Variants in ENTREP2 observed in about 807,000 individuals in gnomAD.
ENTREP2 encodes endosomal transmembrane epsin interactor 2.
chr15:29,300,001 ATGG>A, the ENTREP2 span, among the ~76,000 whole-genome samples: 1 of 107,568 alleles, frequency 9.3e-6, no homozygotes, highest in African/African-American at 6.4e-5. Flanking sequence ...GGGTGGGTGG[ATGG>A]ATGGATGTGT....
At chr15:29,636,031 T>C in the ENTREP2 span, among the ~76,000 whole-genome samples, 1 of 152,048 alleles carries the variant, frequency 6.6e-6, no homozygotes, top group Non-Finnish European at 1.5e-5. Context: ...GAGCCAGAGA[T>C]ACAGACACAG....
At chr15:29,273,398 A>G in the ENTREP2 span, among the ~76,000 whole-genome samples, 1 of 151,882 alleles carries the variant, frequency 6.6e-6, no homozygotes. Context: ...GGGTTTCACC[A>G]TGTTAGCCAG....
chr15:29,490,292 C>T, the ENTREP2 span, among the ~76,000 whole-genome samples: 1 of 152,028 alleles, frequency 6.6e-6, no homozygotes, highest in Admixed American at 6.6e-5. Context: ...TGCAGAACTT[C>T]GCTGTGAGTA....
the ENTREP2 span, among the ~76,000 whole-genome samples, chr15:29,213,667 T>A: frequency 4.8e-4 from 73 of 152,300 alleles, no homozygotes; most frequent in African/African-American, 1.4e-3. Flanking sequence ...TGAATTTGCT[T>A]ATCAGCTTAA....
the ENTREP2 span, among the ~76,000 whole-genome samples, chr15:29,547,339 CAG>C: frequency 1.3e-5 from 2 of 152,066 alleles, no homozygotes; most frequent in African/African-American, 4.8e-5. Flanking sequence ...CCACCCGCCT[CAG>C]CCTCTAAAAG....
chr15:29,401,252 T>C, the ENTREP2 span, among the ~76,000 whole-genome samples: 17 of 152,202 alleles, frequency 1.1e-4, no homozygotes, highest in East Asian at 9.6e-4. Flanking sequence ...TGGTTTCAAA[T>C]AGGAAAAATA....
chr15:29,586,033 T>C, the ENTREP2 span, among the ~76,000 whole-genome samples: 1 of 152,168 alleles, frequency 6.6e-6, no homozygotes, highest in African/African-American at 2.4e-5. Context: ...TTGACAGCAC[T>C]ATGATTCATA....
chr15:29,668,560 C>T, the ENTREP2 span, among the ~76,000 whole-genome samples: 1 of 152,152 alleles, frequency 6.6e-6, no homozygotes, highest in Non-Finnish European at 1.5e-5. Context: ...TATATCGATA[C>T]AAGAGACTAT....
the ENTREP2 span, among the ~76,000 whole-genome samples, chr15:29,303,765 A>G: frequency 6.6e-6 from 1 of 151,906 alleles, no homozygotes; most frequent in African/African-American, 2.4e-5. Context: ...CTGTTCTTGC[A>G]TTAATTTGCT....
chr15:29,339,239 C>G, the ENTREP2 span, among the ~76,000 whole-genome samples: 2 of 152,236 alleles, frequency 1.3e-5, no homozygotes, highest in Non-Finnish European at 2.9e-5. Context: ...AGGGCTGGGG[C>G]CAGTGACAGT....
chr15:29,161,314 C>T, the ENTREP2 span, among the ~76,000 whole-genome samples: 5 of 152,298 alleles, frequency 3.3e-5, no homozygotes, highest in Non-Finnish European at 7.4e-5. Context: ...TGCCCCATAA[C>T]GCAGCTCACC....
At chr15:29,623,487 A>G in the ENTREP2 span, among the ~76,000 whole-genome samples, 1 of 152,328 alleles carries the variant, frequency 6.6e-6, no homozygotes, top group Middle Eastern at 3.4e-3. Context: ...TGCAGCAAGT[A>G]AACGTGAAAA....
chr15:29,405,677 T>G, the ENTREP2 span, among the ~76,000 whole-genome samples: 1 of 152,248 alleles, frequency 6.6e-6, no homozygotes, highest in East Asian at 1.9e-4. Context: ...TGCCTTTGGC[T>G]GCTCAGCAGG....
the ENTREP2 span, among the ~76,000 whole-genome samples, chr15:29,556,208 G>C: frequency 6.6e-6 from 1 of 152,284 alleles, no homozygotes; most frequent in South Asian, 2.1e-4. Flanking sequence ...AGTGAGCCGT[G>C]ATCCTGCCAC....
chr15:29,163,798 T>C, the ENTREP2 span, among the ~76,000 whole-genome samples: 1 of 152,180 alleles, frequency 6.6e-6, no homozygotes, highest in Non-Finnish European at 1.5e-5. Flanking sequence ...GCTATCCAAG[T>C]GCAAGAAGAA....
the ENTREP2 span, among the ~76,000 whole-genome samples, chr15:29,595,188 G>A: frequency 6.6e-6 from 1 of 152,202 alleles, no homozygotes; most frequent in South Asian, 2.1e-4. Flanking sequence ...GGGAGGCGGA[G>A]GTTGCAGTGA....
At chr15:29,194,995 G>A in the ENTREP2 span, 9 of 378,140 alleles carry the variant, frequency 2.4e-5, no homozygotes, top group Non-Finnish European at 3.3e-5. Context: ...GGCTGCCCGT[G>A]TCCCCTCCCA....
chr15:29,130,120 C>T, the ENTREP2 span, among the ~76,000 whole-genome samples: 1 of 152,306 alleles, frequency 6.6e-6, no homozygotes, highest in African/African-American at 2.4e-5. Context: ...AGCCTTCCCA[C>T]CCACACAAAG....
the ENTREP2 span, among the ~76,000 whole-genome samples, chr15:29,420,253 G>T: frequency 6.6e-6 from 1 of 152,184 alleles, no homozygotes; most frequent in Non-Finnish European, 1.5e-5. Context: ...AGTAACACAT[G>T]CAAGCTTTCT....
Sources: gnomAD v4.1 joint callset for allele counts (sites outside exome capture counted in the v4.1 genomes callset) on GRCh38, gnomAD v4.1.1 for gene constraint, MANE v1.5 for transcripts, NCBI Gene and HGNC (gene_info 2026-07-23, HGNC 2026-07-21) for gene names.